NDUFA10: variants seen among roughly 807,000 people sequenced by gnomAD.
The protein encoded by NDUFA10 is NADH:ubiquinone oxidoreductase subunit A10.
NDUFA10 carries 40 observed loss-of-function variants against 47.8 expected under a neutral mutation model. The observed-to-expected ratio is 0.84, with a 90% confidence interval of 0.65 to 1.09. The LOEUF (loss-of-function observed/expected upper bound fraction) is 1.09. NDUFA10 is among the 50% of genes least tolerant of loss of function. The pLI is 0.00. For missense variants in NDUFA10, 413 were observed against 451.1 expected (o/e 0.92, Z 0.76); for synonymous variants, 183 against 172.2 (o/e 1.06, Z -0.49).
In NDUFA10 at chr2:240,018,618, C is replaced by T. The variant is rs201308887; in HGVS notation, c.482G>A (p.Arg161His). 7.6e-5 allele frequency: 122 copies of T among 1,613,994 alleles called. No individual in the cohort carries two copies. Among genetic ancestry groups the T allele is most frequent in the Non-Finnish European group, 9.4e-5 (111 of 1,180,038 alleles). The change falls in exon 4 of 10, where the codon CGC becomes CAC. Residue 161 changes from arginine to histidine, a missense_variant. By Grantham distance (29) the Arg-to-His change is conservative. Coordinates refer to ENST00000252711, the MANE Select transcript of NDUFA10 (RefSeq NM_004544.4). ...LTTGQGVVLERSIFSDFVFLE... is the reference protein window; with the variant it reads ...LTTGQGVVLEHSIFSDFVFLE... ...GAACACAAAGTCACTGAAGATGGAGCGCTCCAACACAACACCTTGTCCTGT... is the reference window on the plus strand; with the variant it reads ...GAACACAAAGTCACTGAAGATGGAGTGCTCCAACACAACACCTTGTCCTGT...
intron 4 of NDUFA10, among the ~76,000 whole-genome samples, chr2:239,941,922 A>C (rs1348886560): frequency 6.6e-6 from 1 of 152,208 alleles, no homozygotes; most frequent in Non-Finnish European, 1.5e-5. Context: ...TTTTAATATC[A>C]GTTTTCAACA....
chr2:239,940,567 T>C (rs992660400), intron 4 of NDUFA10, among the ~76,000 whole-genome samples: 6 of 152,236 alleles, frequency 3.9e-5, no homozygotes, highest in African/African-American at 1.4e-4. Flanking sequence ...TAAGGAGATA[T>C]GTGTGTTAAA....
intron 8 of NDUFA10, among the ~76,000 whole-genome samples, chr2:240,001,820 C>CA (rs1264104888): frequency 6.6e-6 from 1 of 152,164 alleles, no homozygotes; most frequent in Non-Finnish European, 1.5e-5. Context: ...TTCAATGACT[C>CA]AGAGAAACTT....
intron 4 of NDUFA10, among the ~76,000 whole-genome samples, chr2:239,898,496 G>A (rs948591483): frequency 2.1e-4 from 32 of 152,218 alleles, no homozygotes; most frequent in Admixed American, 8.5e-4. Context: ...CCGTATTTAC[G>A]AGCTTTGCTC....
intron 4 of NDUFA10, among the ~76,000 whole-genome samples, chr2:239,926,828 A>G (rs1273784207): frequency 6.6e-6 from 1 of 152,226 alleles, no homozygotes; most frequent in Non-Finnish European, 1.5e-5. Context: ...CGGGTAATTC[A>G]TAAAGGAAAG....
intron 8 of NDUFA10, among the ~76,000 whole-genome samples, chr2:239,993,407 G>A (rs893528406): frequency 2.0e-5 from 3 of 152,218 alleles, no homozygotes; most frequent in Non-Finnish European, 2.9e-5. Flanking sequence ...AAAAAAGGGT[G>A]ATTACGTCCA....
At chr2:239,955,779 A>G (rs1026407951), downstream of NDUFA10, among the ~76,000 whole-genome samples, 1 of 151,978 alleles carries the variant, frequency 6.6e-6, no homozygotes, top group Admixed American at 6.6e-5. Context: ...GCAGCTCCAA[A>G]CCCACGGCCA....
rs1694442209 is a variant in NDUFA10, at chr2:239,945,759, C to T, written c.294+44315G>A. On this transcript the variant is annotated intron_variant, in intron 4 of 5. Transcript: ENST00000419408. This position sits in a 1 kb window ranked among gnomAD's most constrained non-coding sequence, Gnocchi z 4.6. The stretch of plus-strand genomic sequence containing the variant: ...AATGTGCACACCAAGAGAAGTGCTG[C>T]AGCTCAACCAGGCATCACGGCCAAA... 6.6e-6 allele frequency among the ~76,000 whole-genome samples: 1 copy of T among 152,242 alleles called. No individual in the cohort carries two copies. The highest frequency in any genetic ancestry group is 1.5e-5 in the Non-Finnish European group (1 of 68,044).
At chr2:239,953,499 G>C (rs1028415983), downstream of NDUFA10, among the ~76,000 whole-genome samples, 1 of 152,216 alleles carries the variant, frequency 6.6e-6, no homozygotes, top group Non-Finnish European at 1.5e-5. Flanking sequence ...GGTGCCTGCC[G>C]GGTGACCTGA....
At chr2:239,949,140 G>A (rs1309399109) in intron 4 of NDUFA10, among the ~76,000 whole-genome samples, 4 of 152,196 alleles carry the variant, frequency 2.6e-5, no homozygotes, top group Non-Finnish European at 5.9e-5. Flanking sequence ...GGGATTTTAA[G>A]GTAAAATCAA....
At chr2:239,972,711 A>G (rs1559337358) in intron 9 of NDUFA10, among the ~76,000 whole-genome samples, 1 of 152,248 alleles carries the variant, frequency 6.6e-6, no homozygotes, top group Non-Finnish European at 1.5e-5. Context: ...AGCTTCCTAC[A>G]AATATATCAT....
chr2:239,915,382 GAGATACACATACAT>G, intron 4 of NDUFA10, among the ~76,000 whole-genome samples: 4 of 101,844 alleles, frequency 3.9e-5, no homozygotes, highest in African/African-American at 1.4e-4. Flanking sequence ...CACAGAGACA[GAGATACACATACAT>G]ACACACAGAA....
rs1559259776 is a variant in NDUFA10 at position 239,899,056 on chromosome 2, GTGTGATGGAGGGGTGTGATGGAGGA to G, written c.295-3767_295-3743del. Among the ~76,000 whole-genome samples, 51 of 48,510 alleles carry G rather than the reference GTGTGATGGAGGGGTGTGATGGAGGA, an allele frequency of 1.1e-3. 7 individuals are homozygous for G. The highest frequency in any genetic ancestry group is 2.0e-3 in the Non-Finnish European group (39 of 19,992). The allele number at this position is 48,510 out of a possible 152,430, so 31.8% of individuals were successfully genotyped here. A position where few individuals can be genotyped will look rare whatever the true frequency, so the allele number is the denominator to read the frequency against. ...TGTAAAGGAGGGGTGTGATGGAGGA[GTGTGATGGAGGGGTGTGATGGAGGA>G]GTGTGGAGGGGTGTGGTGGAGGGGT... is the stretch of plus-strand genomic sequence containing the variant. On this transcript the variant is annotated intron_variant, in intron 4 of 5. Coordinates refer to the NDUFA10 transcript ENST00000419408.
At chr2:239,962,805 G>GGAGCAA (rs1212637786) in intron 9 of NDUFA10, among the ~76,000 whole-genome samples, 1 of 152,164 alleles carries the variant, frequency 6.6e-6, no homozygotes, top group African/African-American at 2.4e-5. Context: ...AGTGGGAGTA[G>GGAGCAA]GAGCAAGAGC....
chr2:239,913,936 A>G (rs182111486), intron 4 of NDUFA10, among the ~76,000 whole-genome samples: 1 of 151,914 alleles, frequency 6.6e-6, no homozygotes, highest in African/African-American at 2.4e-5. Flanking sequence ...AGTTTCTCCC[A>G]CTCTCTGGTC....
At chr2:239,900,930 T>C (rs1693532687) in intron 4 of NDUFA10, among the ~76,000 whole-genome samples, 1 of 152,218 alleles carries the variant, frequency 6.6e-6, no homozygotes, top group Non-Finnish European at 1.5e-5. Context: ...ATGGAGACGC[T>C]GCAGCAAGTT....
chr2:240,019,008 C>T (rs1697491602), intron 3 of NDUFA10, among the ~76,000 whole-genome samples: 1 of 152,264 alleles, frequency 6.6e-6, no homozygotes, highest in South Asian at 2.1e-4. Flanking sequence ...AACCTCACCT[C>T]TGTCCACTCC....
Position 239,959,844 on chromosome 2 carries a change from G to C in NDUFA10, c.*1274C>G, listed in dbSNP as rs1330060335. 178 of 955,610 alleles carry C rather than the reference G, an allele frequency of 1.9e-4. No individual in the cohort carries two copies. Among genetic ancestry groups the C allele is most frequent in the Non-Finnish European group, 2.2e-4 (177 of 803,026 alleles). 59.2% of individuals were successfully genotyped at this position (955,610 alleles called of 1,614,324 possible). ...GAAGGAGGAGGAAAGAAGGAGGGAA[G>C]GAAGGGGAGAGGGAAAAAGGCAGGC... On this transcript the variant is annotated 3_prime_UTR_variant, in exon 10 of 10. Transcript: ENST00000252711.
At chr2:239,924,202 C>A (rs530868136) in intron 4 of NDUFA10, among the ~76,000 whole-genome samples, 2 of 151,912 alleles carry the variant, frequency 1.3e-5, no homozygotes, top group African/African-American at 2.4e-5. Context: ...TCATTTTATG[C>A]GACTGGTATT....
Sources: allele counts gnomAD v4.1 joint callset (sites outside exome capture counted in the v4.1 genomes callset), GRCh38; gene constraint gnomAD v4.1.1; non-coding constraint Gnocchi (gnomAD v3.1); transcripts MANE v1.5; gene names NCBI Gene and HGNC (gene_info 2026-07-23, HGNC 2026-07-21).